The following CEP57L1 variants were observed in gnomAD, a reference collection of about 807,000 sequenced individuals.
CEP57L1 encodes the protein centrosomal protein CEP57L1.
In CEP57L1, 37 loss-of-function variants were observed where a neutral mutation model predicts 61.0. The observed-to-expected ratio is 0.61, with a 90% CI of 0.47 to 0.80. The LOEUF (loss-of-function observed/expected upper bound fraction) is 0.80, where lower values mean the gene tolerates loss of function less well. Among genes scored for constraint, CEP57L1 ranks in the 30% least tolerant of loss-of-function variants. CEP57L1 has a pLI of 0.00. For missense variants in CEP57L1, 422 were observed against 524.7 expected, an observed-to-expected ratio of 0.80 and a Z score of 1.91; for synonymous variants, 137 against 162.3, an observed-to-expected ratio of 0.84 and a Z score of 1.19.
intron 1 of CEP57L1, among the ~76,000 whole-genome samples, chr6:109,102,389 A>G (rs926928392): frequency 1.3e-5 from 2 of 152,152 alleles, no homozygotes; most frequent in Non-Finnish European, 2.9e-5. Context: ...TGCTTTGTAT[A>G]TTTTGGACAC....
chr6:109,117,791 T>C (rs1772474781), intron 1 of CEP57L1, among the ~76,000 whole-genome samples: 1 of 152,188 alleles, frequency 6.6e-6, no homozygotes, highest in East Asian at 1.9e-4. Context: ...ACAGGCAACG[T>C]CTATATGGAT....
intron 1 of CEP57L1, among the ~76,000 whole-genome samples, chr6:109,106,760 CT>C (rs745325305): frequency 1.3e-5 from 2 of 151,918 alleles, no homozygotes; most frequent in African/African-American, 4.8e-5. Flanking sequence ...TGAAACCCCC[CT>C]GTCTCTACTA....
chr6:109,110,983 T>G (rs982447048), intron 1 of CEP57L1, among the ~76,000 whole-genome samples: 3 of 152,222 alleles, frequency 2.0e-5, no homozygotes, highest in Non-Finnish European at 4.4e-5. Flanking sequence ...TTGTTCTTTT[T>G]GCTTAGGATT....
In CEP57L1 at chr6:109,169,772, C is replaced by T. The variant is rs116630863; in HGVS notation, c.*6802C>T. On this transcript the variant is annotated 3_prime_UTR_variant, in exon 11 of 11. Transcript: ENST00000517392. ...CAACCAATAAGAATGTGAGATTTGTCGGAGAAAAACTATCTGCATGTCTCC... is the reference window on the plus strand; with the variant it reads ...CAACCAATAAGAATGTGAGATTTGTTGGAGAAAAACTATCTGCATGTCTCC... Among the ~76,000 whole-genome samples the T allele has an allele frequency of 6.0e-3, 915 of 152,184 alleles. 9 individuals are homozygous for T. The highest frequency in any genetic ancestry group is 0.02 in the African/African-American group (818 of 41,532).
At chr6:109,152,083 T>C (rs1344887718) in intron 4 of CEP57L1, among the ~76,000 whole-genome samples, 1 of 152,212 alleles carries the variant, frequency 6.6e-6, no homozygotes, top group Non-Finnish European at 1.5e-5. Context: ...CTCTCTCTTC[T>C]TCTCTGGGAC....
intron 3 of CEP57L1, among the ~76,000 whole-genome samples, chr6:109,148,275 C>A (rs186082735): frequency 4.6e-5 from 7 of 152,122 alleles, no homozygotes; most frequent in South Asian, 2.1e-4. Context: ...CCTCTCCCCC[C>A]ACCCCACAAC....
intron 1 of CEP57L1, among the ~76,000 whole-genome samples, chr6:109,097,108 A>G (rs950916339): frequency 1.3e-5 from 2 of 152,220 alleles, no homozygotes; most frequent in Non-Finnish European, 2.9e-5. Flanking sequence ...CTATCCATCT[A>G]CTTGTGAAAA....
intron 1 of CEP57L1, among the ~76,000 whole-genome samples, chr6:109,144,203 A>G (rs1479682564): frequency 1.3e-5 from 2 of 152,196 alleles, no homozygotes; most frequent in Non-Finnish European, 2.9e-5. Flanking sequence ...AGAAAATTCT[A>G]GGAAGTGAAG....
rs895231879 is a variant in CEP57L1 at position 109,172,248 on chromosome 6, C to T, written c.*9278C>T. On this transcript the variant is annotated 3_prime_UTR_variant, in exon 11 of 11. Transcript: ENST00000517392. ...ACAACATTCTTGGAGAATTGCTAAC[C>T]AGGGAAGCTCCACCAAGCCTTGGTG... 6.6e-6 allele frequency among the ~76,000 whole-genome samples: 1 copy of T among 152,074 alleles called. No homozygotes were observed. The highest frequency in any genetic ancestry group is 1.5e-5 in the Non-Finnish European group (1 of 68,010).
At chr6:109,138,127 G>A (rs538927071) in intron 1 of CEP57L1, among the ~76,000 whole-genome samples, 1 of 152,312 alleles carries the variant, frequency 6.6e-6, no homozygotes, top group East Asian at 1.9e-4. Flanking sequence ...AGTCAGAGTT[G>A]GGGAGTGGGG....
In CEP57L1 at chr6:109,155,852, C is replaced by A; in HGVS notation, c.719C>A (p.Ser240Tyr). The part of the protein sequence containing the change: ...IMSSVSNLKH[S>Y]KEKKKSSKKT... ...TCTTCAGTTTCAAATCTAAAGCACT[C>A]CAAGGAAAAGAAGAAATCTTCAAAG... Residue 240 changes from serine to tyrosine, a missense_variant, in exon 7 of 11, where the codon TCC (serine) becomes TAC (tyrosine). Ser to Tyr is a moderately radical substitution (Grantham distance 144, BLOSUM62 -2). Coordinates refer to ENST00000517392, the MANE Select transcript of CEP57L1 (RefSeq NM_001271852.3). The A allele has an allele frequency of 6.3e-7, 1 of 1,583,770 alleles. No individual in the cohort carries two copies. The highest frequency in any genetic ancestry group is 8.6e-7 in the Non-Finnish European group (1 of 1,158,452).
At chr6:109,119,215 A>G (rs148012317) in intron 1 of CEP57L1, among the ~76,000 whole-genome samples, 4 of 152,338 alleles carry the variant, frequency 2.6e-5, no homozygotes, top group Non-Finnish European at 5.9e-5. Context: ...TTCTGCAGTC[A>G]CTGAAGAGTT....
At chr6:109,154,181 T>C (rs1193361816) in intron 5 of CEP57L1, among the ~76,000 whole-genome samples, 1 of 152,230 alleles carries the variant, frequency 6.6e-6, no homozygotes, top group Non-Finnish European at 1.5e-5. Flanking sequence ...TATGGCAGGA[T>C]ATTTTCATTT....
At chr6:109,137,408 TCTC>T (rs201420805) in intron 1 of CEP57L1, among the ~76,000 whole-genome samples, 1,757 of 152,170 alleles carry the variant, frequency 0.012, 28 homozygotes, top group African/African-American at 0.041. Context: ...TTCAAGCTAT[TCTC>T]CTGCCTCAGC....
chr6:109,106,264 G>A (rs561380085), intron 1 of CEP57L1, among the ~76,000 whole-genome samples: 1 of 152,010 alleles, frequency 6.6e-6, no homozygotes. Context: ...AAAAGATTGG[G>A]GACCACTGAT....
Position 109,162,838 on chromosome 6 carries a change from G to T in CEP57L1, c.1251G>T (p.Lys417Asn), listed in dbSNP as rs779167675. The change falls in exon 11 of 11, where the codon AAG becomes AAT. Residue 417 changes from lysine to asparagine, a missense_variant. Transcript: ENST00000517392. ...QQEDSYPKGSKNIKNSPRKCL... is the reference protein window; with the variant it reads ...QQEDSYPKGSNNIKNSPRKCL... ...AAGACAGCTACCCTAAAGGATCAAAGAACATAAAAAATAGCCCCAGAAAAT... is the reference window on the plus strand; with the variant it reads ...AAGACAGCTACCCTAAAGGATCAAATAACATAAAAAATAGCCCCAGAAAAT... 1 of 1,613,004 alleles carries T rather than the reference G, an allele frequency of 6.2e-7. No individual in the cohort carries two copies. Among genetic ancestry groups the T allele is most frequent in the Non-Finnish European group, 8.5e-7 (1 of 1,179,510 alleles).
chr6:109,107,417 C>T (rs1314767636), intron 1 of CEP57L1, among the ~76,000 whole-genome samples: 1 of 152,068 alleles, frequency 6.6e-6, no homozygotes, highest in Admixed American at 6.6e-5. Context: ...CTTCTTATTA[C>T]ATATAATTTT....
chr6:109,145,424 T>TA (rs777007195), intron 2 of CEP57L1, 43 bp downstream of exon 2: 11 of 1,358,792 alleles, frequency 8.1e-6, no homozygotes, highest in Non-Finnish European at 9.9e-6. Context: ...AAACATGCTA[T>TA]AAAAAACTTT....
chr6:109,149,375 G>T (rs1183220588), intron 3 of CEP57L1, among the ~76,000 whole-genome samples: 1 of 152,172 alleles, frequency 6.6e-6, no homozygotes, highest in African/African-American at 2.4e-5. Flanking sequence ...ATTAAATAGG[G>T]AATCCTTTCC....
Sources: allele counts gnomAD v4.1 joint callset (sites outside exome capture counted in the v4.1 genomes callset), GRCh38; gene constraint gnomAD v4.1.1; transcripts MANE v1.5; gene names NCBI Gene and HGNC (gene_info 2026-07-23, HGNC 2026-07-21).